Variants in PARD3B observed in about 807,000 individuals in gnomAD.
PARD3B encodes partitioning defective 3 homolog B.
A neutral mutation model predicts 130.2 loss-of-function variants in PARD3B; 103 were observed. The observed-to-expected ratio is 0.79, with a 90% CI of 0.67 to 0.93. The LOEUF (loss-of-function observed/expected upper bound fraction) is 0.93. Ranked by LOEUF, PARD3B falls within the 40% of genes least tolerant of loss-of-function variation. The pLI, the probability that PARD3B is intolerant of heterozygous loss-of-function variation, is 0.00. For synonymous variants in PARD3B, 583 were observed against 553.2 expected, an observed-to-expected ratio of 1.05 and a Z score of -0.76; for missense variants, 1,609 against 1,499.2, an observed-to-expected ratio of 1.07 and a Z score of -1.21.
intron 4 of PARD3B, among the ~76,000 whole-genome samples, chr2:205,052,419 G>GTGTATA (rs1467760914): frequency 2.5e-5 from 1 of 39,764 alleles, no homozygotes; most frequent in Non-Finnish European, 4.7e-5. Context: ...ATATATATAT[G>GTGTATA]TATATATATA....
At chr2:205,328,910 A>G (rs1559666752) in intron 18 of PARD3B, among the ~76,000 whole-genome samples, 1 of 152,320 alleles carries the variant, frequency 6.6e-6, no homozygotes, top group Admixed American at 6.5e-5. Context: ...ATGAAGTGGC[A>G]CAGCAGACGG....
chr2:205,419,057 A>G (rs1379928814), intron 19 of PARD3B, among the ~76,000 whole-genome samples: 1 of 152,182 alleles, frequency 6.6e-6, no homozygotes, highest in Non-Finnish European at 1.5e-5. Context: ...TATGTAATAT[A>G]TATACATACA....
At position 204,686,828 on chromosome 2, in the gene PARD3B, T is replaced by A. The variant is rs372954479; in HGVS notation, c.222+546T>A. ...TGTTCTGCCACTTATTTGGGAATAA[T>A]CTCGTTGCAAATATCTTGTTTTAAT... is the stretch of plus-strand genomic sequence containing the variant. On this transcript the variant is annotated intron_variant, in intron 2 of 22. Transcript: ENST00000406610. 1.4e-4 allele frequency among the ~76,000 whole-genome samples: 21 copies of A among 152,294 alleles called. No homozygotes were observed. The East Asian group carries it at 3.3e-3, about 24-fold the overall frequency.
At chr2:204,903,384 G>A (rs955488357) in intron 2 of PARD3B, among the ~76,000 whole-genome samples, 4 of 152,050 alleles carry the variant, frequency 2.6e-5, no homozygotes, top group Admixed American at 2.6e-4. Context: ...CTTCTCTGTG[G>A]GGAGTAAGGC....
chr2:204,993,867 A>G, intron 3 of PARD3B, among the ~76,000 whole-genome samples: 1 of 151,712 alleles, frequency 6.6e-6, no homozygotes, highest in Non-Finnish European at 1.5e-5. Flanking sequence ...TTATTTGCGT[A>G]GAGGTGTTTG....
At chr2:204,913,058 T>C (rs2125729529) in intron 2 of PARD3B, among the ~76,000 whole-genome samples, 1 of 152,354 alleles carries the variant, frequency 6.6e-6, no homozygotes, top group South Asian at 2.1e-4. Flanking sequence ...TGTTTAACTT[T>C]CTCAAAATAA....
rs1363858513 is a variant in PARD3B, at chr2:205,446,899, C to T, written c.3044+6227C>T. The stretch of plus-strand genomic sequence containing the variant: ...ACTTTATGTCTGGATGAGGACAAAA[C>T]AGTTCCAAATAGGGGGCTAGAAGGT... On this transcript the variant is annotated intron_variant, in intron 20 of 22. Coordinates refer to ENST00000406610, the MANE Select transcript of PARD3B (RefSeq NM_001302769.2). This position sits in a 1 kb window ranked among gnomAD's most constrained non-coding sequence, Gnocchi z 4.4. Among the ~76,000 whole-genome samples, 1 of 152,172 alleles carries T rather than the reference C, an allele frequency of 6.6e-6. No individual in the cohort carries two copies. Among genetic ancestry groups the T allele is most frequent in the Non-Finnish European group, 1.5e-5 (1 of 68,030 alleles).
chr2:204,661,314 C>T (rs976677454), intron 1 of PARD3B, among the ~76,000 whole-genome samples: 1 of 152,074 alleles, frequency 6.6e-6, no homozygotes, highest in South Asian at 2.1e-4. Context: ...ACGGTTTTTC[C>T]CTTCCCCTTT....
intron 16 of PARD3B, among the ~76,000 whole-genome samples, chr2:205,248,733 G>A (rs1215936314): frequency 6.8e-6 from 1 of 146,174 alleles, no homozygotes; most frequent in Non-Finnish European, 1.5e-5. Context: ...TCAGCCTCCC[G>A]AGTAGCTGGG....
At chr2:205,166,327 G>C (rs1433780687) in intron 11 of PARD3B, among the ~76,000 whole-genome samples, 1 of 151,706 alleles carries the variant, frequency 6.6e-6, no homozygotes, top group Admixed American at 6.5e-5. Flanking sequence ...AGGCTTGCTT[G>C]GGGTGAGGAG....
intron 1 of PARD3B, among the ~76,000 whole-genome samples, chr2:204,576,781 G>A (rs954848040): frequency 2.6e-4 from 39 of 152,076 alleles, no homozygotes; most frequent in African/African-American, 8.9e-4. Flanking sequence ...GTTCTCATCT[G>A]CTTCCCCTTA....
At chr2:204,698,932 T>G (rs1413670732) in intron 2 of PARD3B, among the ~76,000 whole-genome samples, 1 of 151,938 alleles carries the variant, frequency 6.6e-6, no homozygotes, top group Non-Finnish European at 1.5e-5. Flanking sequence ...CAAACAAATA[T>G]AAAAAAGAAA....
chr2:205,384,240 G>T (rs1428010762), intron 18 of PARD3B, among the ~76,000 whole-genome samples: 1 of 151,998 alleles, frequency 6.6e-6, no homozygotes, highest in Non-Finnish European at 1.5e-5. Flanking sequence ...CTACTTAAAG[G>T]TAGCAAAATT....
chr2:205,598,730 G>C (rs1270972459), intron 22 of PARD3B, among the ~76,000 whole-genome samples: 7 of 152,028 alleles, frequency 4.6e-5, no homozygotes, highest in Non-Finnish European at 1.0e-4. Context: ...AAGCAAATCT[G>C]AATACATTTT....
chr2:204,766,315 A>C (rs555947581), intron 2 of PARD3B, among the ~76,000 whole-genome samples: 4 of 152,180 alleles, frequency 2.6e-5, no homozygotes, highest in Non-Finnish European at 5.9e-5. Flanking sequence ...TTTTAAAAAT[A>C]TTTAATATTC....
At chr2:204,776,796 A>C (rs1196721382) in intron 2 of PARD3B, among the ~76,000 whole-genome samples, 2 of 151,746 alleles carry the variant, frequency 1.3e-5, no homozygotes, top group Non-Finnish European at 2.9e-5. Context: ...CTCTTCTCTT[A>C]CCTCCACCTA....
At chr2:205,211,759 A>T (rs868822939) in intron 15 of PARD3B, among the ~76,000 whole-genome samples, 7 of 152,120 alleles carry the variant, frequency 4.6e-5, no homozygotes, top group Admixed American at 1.3e-4. Flanking sequence ...ATCAAGACTG[A>T]TGGTTTTAAG....
rs139438147 is a variant in PARD3B, at chr2:205,119,777, G to A, written c.806+731G>A. Among the ~76,000 whole-genome samples, 166 of 152,224 alleles carry A rather than the reference G, an allele frequency of 1.1e-3. 4 individuals carry two copies. The East Asian group carries it at 0.025, about 23-fold the overall frequency. ...ACCCTGGGTGACAGGGAGAAACTCC[G>A]TCTTCAAAATAAATAAATAAATAAT... On this transcript the variant is annotated intron_variant, in intron 7 of 22. Coordinates refer to ENST00000406610, the MANE Select transcript of PARD3B (RefSeq NM_001302769.2).
chr2:205,113,619 A>C (rs1336123563), intron 6 of PARD3B, 42 bp downstream of exon 6: 1 of 1,239,378 alleles, frequency 8.1e-7, no homozygotes, highest in African/African-American at 1.5e-5. Flanking sequence ...GCTAATGAAA[A>C]CCCTGATTTG....
Sources: gnomAD v4.1 joint callset for allele counts (sites outside exome capture counted in the v4.1 genomes callset) on GRCh38, gnomAD v4.1.1 for gene constraint, Gnocchi (gnomAD v3.1) non-coding constraint, MANE v1.5 for transcripts, NCBI Gene and HGNC (gene_info 2026-07-23, HGNC 2026-07-21) for gene names.